CFAP20DC: variants seen among roughly 807,000 people sequenced by gnomAD.
CFAP20DC encodes CFAP20 domain containing, also known as protein CFAP20DC.
Under a neutral mutation model 101.7 loss-of-function variants are expected in CFAP20DC, and 84 were observed. The observed-to-expected ratio is 0.83, with a 90% confidence interval of 0.69 to 0.99. CFAP20DC has a LOEUF of 0.99. CFAP20DC is among the 50% of genes least tolerant of loss of function. The probability of loss-of-function intolerance (pLI) is 0.00; values close to 1 mark genes in which losing one functional copy is unlikely to be tolerated. For missense variants in CFAP20DC, 1,007 were observed against 970.3 expected (o/e 1.04, Z -0.50); for synonymous variants, 359 against 351.2 (o/e 1.02, Z -0.25).
intron 14 of CFAP20DC, among the ~76,000 whole-genome samples, chr3:58,813,245 G>A (rs1344862846): frequency 2.0e-5 from 3 of 151,798 alleles, no homozygotes; most frequent in Admixed American, 6.6e-5. Context: ...AAACATAGCT[G>A]AACAACTATA....
intron 4 of CFAP20DC, among the ~76,000 whole-genome samples, chr3:58,961,119 T>C (rs539878750): frequency 7.2e-5 from 11 of 152,364 alleles, no homozygotes; most frequent in Middle Eastern, 3.4e-3. Flanking sequence ...ATAATCATTT[T>C]TGTATGTTTC....
rs897298459 is a variant in CFAP20DC at position 59,006,297 on chromosome 3, G to A, written c.278+33260C>T. Reference sequence around the variant, plus strand: ...CAGAAGGAGATGGGAGGAAGATGGTGCCCAGGAGGCAGGGCTAATGTGCAC... The same window carrying A: ...CAGAAGGAGATGGGAGGAAGATGGTACCCAGGAGGCAGGGCTAATGTGCAC... On this transcript the variant is annotated intron_variant, in intron 4 of 16. Transcript: ENST00000482387. The surrounding 1 kb of genome is among the most constrained non-coding windows in gnomAD (Gnocchi z 4.3). Among the ~76,000 whole-genome samples, 2 of 152,172 alleles carry A rather than the reference G, an allele frequency of 1.3e-5. No individual in the cohort carries two copies. The highest frequency in any genetic ancestry group is 4.8e-5 in the African/African-American group (2 of 41,434).
intron 7 of CFAP20DC, among the ~76,000 whole-genome samples, chr3:58,870,748 C>T (rs1461811712): frequency 6.7e-5 from 10 of 148,230 alleles, no homozygotes; most frequent in African/African-American, 2.2e-4. Flanking sequence ...ATTAGCCAGG[C>T]GCGGTGGCGG....
intron 4 of CFAP20DC, among the ~76,000 whole-genome samples, chr3:58,940,009 G>A (rs926138644): frequency 3.9e-5 from 6 of 152,002 alleles, no homozygotes; most frequent in Admixed American, 1.3e-4. Flanking sequence ...TCAGGTGATC[G>A]GCCCGCCTGG....
chr3:58,762,716 C>T (rs1264564493), intron 15 of CFAP20DC, among the ~76,000 whole-genome samples: 4 of 152,130 alleles, frequency 2.6e-5, no homozygotes, highest in Admixed American at 2.6e-4. Flanking sequence ...TTCAGGAGCT[C>T]TTTTAGGGCA....
intron 16 of CFAP20DC, among the ~76,000 whole-genome samples, chr3:58,745,981 T>G (rs2068166641): frequency 6.6e-6 from 1 of 152,186 alleles, no homozygotes; most frequent in Non-Finnish European, 1.5e-5. Flanking sequence ...ACTCAGTAAA[T>G]GTTATCACCA....
At chr3:58,801,900 G>A (rs934449015) in intron 15 of CFAP20DC, among the ~76,000 whole-genome samples, 2 of 152,188 alleles carry the variant, frequency 1.3e-5, no homozygotes, top group South Asian at 2.1e-4. Flanking sequence ...AAATCATTGA[G>A]CAAACACTTT....
chr3:58,973,552 T>C (rs967965862), intron 4 of CFAP20DC, among the ~76,000 whole-genome samples: 7 of 152,306 alleles, frequency 4.6e-5, no homozygotes, highest in East Asian at 3.9e-4. Flanking sequence ...CCGTATTTCA[T>C]TGGCCTCACA....
intron 5 of CFAP20DC, among the ~76,000 whole-genome samples, chr3:58,928,954 G>C (rs2086280598): frequency 6.6e-6 from 1 of 152,038 alleles, no homozygotes; most frequent in African/African-American, 2.4e-5. Context: ...CACTTGCCCA[G>C]GGGTAGAAAC....
chr3:58,748,851 G>A (rs549895086), intron 16 of CFAP20DC, among the ~76,000 whole-genome samples: 6 of 152,298 alleles, frequency 3.9e-5, no homozygotes, highest in African/African-American at 1.4e-4. Flanking sequence ...TGGTCAGACA[G>A]GTCTGGGTCA....
chr3:58,891,904 CA>C (rs2082289769), intron 6 of CFAP20DC, among the ~76,000 whole-genome samples: 1 of 152,062 alleles, frequency 6.6e-6, no homozygotes. Flanking sequence ...CCTGAGTGGA[CA>C]AATCTTTGCC....
intron 4 of CFAP20DC, chr3:59,018,476 C>T (rs2093734593): frequency 6.6e-6 from 1 of 152,108 alleles, no homozygotes. Context: ...TTAACATCAG[C>T]TGTAAACATC....
chr3:58,972,675 G>T (rs1026857236), intron 4 of CFAP20DC, among the ~76,000 whole-genome samples: 1 of 152,042 alleles, frequency 6.6e-6, no homozygotes, highest in African/African-American at 2.4e-5. Context: ...TCACCACCTG[G>T]GCATAATCCT....
rs577001539 is a variant in CFAP20DC at position 58,761,779 on chromosome 3, T to C, written c.2238-7916A>G. Among the ~76,000 whole-genome samples, 3 of 152,372 alleles carry C rather than the reference T, an allele frequency of 2.0e-5. No homozygotes were observed. The East Asian group carries it at 5.8e-4, about 29-fold the overall frequency. On this transcript the variant is annotated intron_variant, in intron 15 of 16. Transcript: ENST00000482387. The stretch of plus-strand genomic sequence containing the variant: ...TTCAAAGAACATCTTTATTCCTGCC[T>C]TCATGTTGTTATGTATGCAGTAGTC...
At position 58,799,427 on chromosome 3, in the gene CFAP20DC, ACTAGAGACT is replaced by A. The variant is rs1334830683; in HGVS notation, c.2237+6959_2237+6967del. On this transcript the variant is annotated intron_variant, in intron 15 of 16. Transcript: ENST00000482387. The surrounding 1 kb of genome is among the most constrained non-coding windows in gnomAD (Gnocchi z 4.9). ...ATTATAAATGGGAACAGGGCCAGGT[ACTAGAGACT>A]CTTAAGGTAGAGAAGTATACAGGTG... is the stretch of plus-strand genomic sequence containing the variant. Among the ~76,000 whole-genome samples, 1 of 152,206 alleles carries A rather than the reference ACTAGAGACT, an allele frequency of 6.6e-6. No individual in the cohort carries two copies. Among genetic ancestry groups the A allele is most frequent in the Admixed American group, 6.5e-5 (1 of 15,280 alleles).
At position 58,866,667 on chromosome 3, in the gene CFAP20DC, C is replaced by T. The variant is rs947759804; in HGVS notation, c.1157G>A (p.Arg386Lys). The change falls in exon 11 of 17, where the codon AGG becomes AAG. Residue 386 changes from arginine (R) to lysine (K), a missense_variant. Arg to Lys is a conservative substitution (Grantham distance 26). Transcript: ENST00000482387. ...TPSGSSSGNNRIEDKASTILT... is the reference protein window; with the variant it reads ...TPSGSSSGNNKIEDKASTILT... The stretch of plus-strand genomic sequence containing the variant: ...GATAGTTGATGCTTTATCTTCAATC[C>T]TATTATTTCCTGAAGAGCTACCTTT... 1 of 1,585,424 alleles carries T rather than the reference C, an allele frequency of 6.3e-7. No homozygotes were observed. The highest frequency in any genetic ancestry group is 8.7e-7 in the Non-Finnish European group (1 of 1,154,744).
intron 15 of CFAP20DC, among the ~76,000 whole-genome samples, chr3:58,803,241 T>A (rs916416358): frequency 6.6e-6 from 1 of 152,190 alleles, no homozygotes; most frequent in African/African-American, 2.4e-5. Context: ...CTCTGCCATA[T>A]TGGCATTACT....
At chr3:58,774,193 C>T (rs542380192) in intron 15 of CFAP20DC, among the ~76,000 whole-genome samples, 28 of 152,102 alleles carry the variant, frequency 1.8e-4, no homozygotes, top group Non-Finnish European at 2.6e-4. Flanking sequence ...AAAAAAAATG[C>T]TATCAAGGCC....
At chr3:58,851,878 G>A (rs1034168204) in intron 12 of CFAP20DC, among the ~76,000 whole-genome samples, 1 of 152,322 alleles carries the variant, frequency 6.6e-6, no homozygotes, top group East Asian at 1.9e-4. Context: ...ACTTTTTGAT[G>A]AGAGAAGTGA....
Sources: gnomAD v4.1 joint callset for allele counts (sites outside exome capture counted in the v4.1 genomes callset) on GRCh38, gnomAD v4.1.1 for gene constraint, Gnocchi (gnomAD v3.1) non-coding constraint, MANE v1.5 for transcripts, NCBI Gene and HGNC (gene_info 2026-07-23, HGNC 2026-07-21) for gene names.